Variants in SEC11C observed in about 807,000 individuals in gnomAD.
SEC11C encodes SEC11 homolog C, signal peptidase complex subunit.
Under a neutral mutation model 21.9 loss-of-function variants are expected in SEC11C, and 10 were observed. That is an observed-to-expected ratio of 0.46 (90% CI 0.28 to 0.77). SEC11C has a LOEUF of 0.77. Among genes scored for constraint, SEC11C ranks in the 30% least tolerant of loss-of-function variants. SEC11C has a pLI of 0.12. For synonymous variants in SEC11C, 83 were observed against 85.6 expected, an observed-to-expected ratio of 0.97 and a Z score of 0.17; for missense variants, 145 against 244.5, an observed-to-expected ratio of 0.59 and a Z score of 2.71.
chr18:59,142,148 G>A (rs141347930), intron 1 of SEC11C, among the ~76,000 whole-genome samples: 85 of 152,204 alleles, frequency 5.6e-4, no homozygotes, highest in African/African-American at 2.0e-3. Flanking sequence ...AATCTGATTC[G>A]TAGGTTTCTT....
intron 3 of SEC11C, among the ~76,000 whole-genome samples, chr18:59,154,983 T>G (rs892618377): frequency 6.6e-6 from 1 of 152,206 alleles, no homozygotes; most frequent in African/African-American, 2.4e-5. Context: ...GATAATCGCT[T>G]GAACCTGGGA....
At chr18:59,148,264 A>G (rs1276854285) in intron 1 of SEC11C, among the ~76,000 whole-genome samples, 6 of 152,230 alleles carry the variant, frequency 3.9e-5, no homozygotes, top group Admixed American at 3.3e-4. Context: ...GGTGCTGGCA[A>G]TGCCGTGAGG....
intron 1 of SEC11C, among the ~76,000 whole-genome samples, chr18:59,148,200 T>C (rs1603377106): frequency 1.3e-5 from 2 of 152,090 alleles, no homozygotes; most frequent in Middle Eastern, 3.4e-3. Flanking sequence ...AACTGCAGGA[T>C]TGTGAAGAGG....
chr18:59,151,036 A>T (rs1470881291), intron 2 of SEC11C, among the ~76,000 whole-genome samples: 1 of 152,142 alleles, frequency 6.6e-6, no homozygotes, highest in Non-Finnish European at 1.5e-5. Context: ...GACATCCCTA[A>T]GGGATGTGTG....
At chr18:59,141,538 T>C (rs10871767) in intron 1 of SEC11C, among the ~76,000 whole-genome samples, 30,963 of 152,152 alleles carry the variant, frequency 0.2, 3,909 homozygotes, top group East Asian at 0.39. Flanking sequence ...GAAAGATCAG[T>C]GTGTTTTTGC....
intron 2 of SEC11C, among the ~76,000 whole-genome samples, chr18:59,151,442 T>C (rs1205654335): frequency 6.6e-6 from 1 of 152,174 alleles, no homozygotes; most frequent in Non-Finnish European, 1.5e-5. Context: ...TTAAGTCAGT[T>C]GTATTTCTAG....
intron 4 of SEC11C, chr18:59,156,244 ATT>A (rs2069416759): frequency 6.3e-6 from 1 of 157,812 alleles, no homozygotes. Flanking sequence ...TTATTTGTGG[ATT>A]TTAAATAACC....
At chr18:59,152,749 A>G (rs1414838572) in intron 3 of SEC11C, 64 bp downstream of exon 3, 1 of 1,381,408 alleles carries the variant, frequency 7.2e-7, no homozygotes, top group Non-Finnish European at 9.9e-7. Context: ...ATGGCTAATT[A>G]GAAACTAGTA....
intron 2 of SEC11C, among the ~76,000 whole-genome samples, chr18:59,151,668 G>A (rs1049174360): frequency 5.3e-5 from 8 of 152,118 alleles, no homozygotes; most frequent in African/African-American, 1.9e-4. Flanking sequence ...TGGGAGGCAT[G>A]GTTTTCTTTG....
chr18:59,145,746 C>T lies in SEC11C; in HGVS notation c.88-3767C>T, dbSNP rs145026581. Among the ~76,000 whole-genome samples the T allele has an allele frequency of 7.9e-5, 12 of 152,274 alleles. No individual in the cohort carries two copies. In the East Asian group the frequency reaches 2.3e-3, roughly 29 times the overall value. On this transcript the variant is annotated intron_variant, in intron 1 of 5. Transcript: ENST00000587834. ...GTCAAGCACCATATAATGATGTTTC[C>T]ATCAATGGTGGACTGCATACATGAT...
chr18:59,151,258 C>A (rs2069349248), intron 2 of SEC11C, among the ~76,000 whole-genome samples: 1 of 151,758 alleles, frequency 6.6e-6, no homozygotes, highest in Admixed American at 6.6e-5. Flanking sequence ...ACTGTATCTT[C>A]AGGAATTTTG....
chr18:59,154,483 AG>A (rs1224377432), intron 3 of SEC11C, among the ~76,000 whole-genome samples: 1 of 152,176 alleles, frequency 6.6e-6, no homozygotes, highest in Non-Finnish European at 1.5e-5. Context: ...TCTAGAGTCA[AG>A]GCTATCTGAG....
In SEC11C at chr18:59,155,815, T is replaced by C. The variant is rs772205233; in HGVS notation, c.467+8T>C. 1.4e-5 allele frequency: 22 copies of C among 1,613,224 alleles called. No homozygotes were observed. The highest frequency in any genetic ancestry group is 1.8e-5 in the Non-Finnish European group (21 of 1,179,690). ...GGTGGGAAGAGCAAGAGGGTGAGGATTCACCTTTAAGTTATATAGAAGGTT... is the reference window on the plus strand; with the variant it reads ...GGTGGGAAGAGCAAGAGGGTGAGGACTCACCTTTAAGTTATATAGAAGGTT... On this transcript the variant is annotated splice_region_variant and intron_variant, in intron 4 of 5. Coordinates refer to ENST00000587834, the MANE Select transcript of SEC11C (RefSeq NM_033280.4).
At chr18:59,143,698 A>G in intron 1 of SEC11C, among the ~76,000 whole-genome samples, 1 of 152,042 alleles carries the variant, frequency 6.6e-6, no homozygotes, top group East Asian at 1.9e-4. Context: ...GTTTGGTGAG[A>G]TCCTACTGCA....
Position 59,158,762 on chromosome 18 carries a change from C to A in SEC11C, c.*77C>A. On this transcript the variant is annotated 3_prime_UTR_variant, in exon 6 of 6. Coordinates refer to ENST00000587834, the MANE Select transcript of SEC11C (RefSeq NM_033280.4). ...GAAAAACTAATATATTTGAGATGTT[C>A]CATTTTCTGTATAAAAGGGAACAGT... 1 of 1,232,114 alleles carries A rather than the reference C, an allele frequency of 8.1e-7. No homozygotes were observed. Among genetic ancestry groups the A allele is most frequent in the South Asian group, 1.2e-5 (1 of 81,628 alleles). The allele number at this position is 1,232,114 out of a possible 1,614,324, so 76.3% of individuals were successfully genotyped here. A position where few individuals can be genotyped will look rare whatever the true frequency, so the allele number is the denominator to read the frequency against.
At chr18:59,149,884 CAATTT>C (rs2069327163) in intron 2 of SEC11C, among the ~76,000 whole-genome samples, 1 of 152,102 alleles carries the variant, frequency 6.6e-6, no homozygotes, top group East Asian at 1.9e-4. Flanking sequence ...TTTCAAATGA[CAATTT>C]AATAATATGT....
chr18:59,154,321 C>T (rs1241893453), intron 3 of SEC11C, among the ~76,000 whole-genome samples: 3 of 152,190 alleles, frequency 2.0e-5, no homozygotes, highest in Non-Finnish European at 2.9e-5. Context: ...CCTTTATAAC[C>T]GTGGCTGCAA....
At chr18:59,140,139 G>GCGGCCACC in intron 1 of SEC11C, 104 bp downstream of exon 1, 1 of 1,076,558 alleles carries the variant, frequency 9.3e-7, no homozygotes, top group Non-Finnish European at 1.3e-6. Context: ...ATGCGGCCGG[G>GCGGCCACC]CGGCCACCCG....
At chr18:59,153,207 A>G (rs1348789940) in intron 3 of SEC11C, 1 of 151,940 alleles carries the variant, frequency 6.6e-6, no homozygotes, top group Non-Finnish European at 1.5e-5. Context: ...CCCATCCCCT[A>G]CTCCCCAAAC....
Sources: allele counts gnomAD v4.1 joint callset (sites outside exome capture counted in the v4.1 genomes callset), GRCh38; gene constraint gnomAD v4.1.1; transcripts MANE v1.5; gene names NCBI Gene and HGNC (gene_info 2026-07-23, HGNC 2026-07-21).